Variants in PDIA6 observed in about 807,000 individuals in gnomAD.
The protein encoded by PDIA6 is protein disulfide-isomerase A6.
PDIA6 carries 29 observed loss-of-function variants against 58.4 expected under a neutral mutation model. The observed-to-expected ratio is 0.50, with a 90% CI of 0.37 to 0.68. The LOEUF (loss-of-function observed/expected upper bound fraction) is 0.68, where lower values mean the gene tolerates loss of function less well. PDIA6 is among the 30% of genes least tolerant of loss of function. PDIA6 has a pLI of 0.00. For synonymous variants in PDIA6, 192 were observed against 202.6 expected, an observed-to-expected ratio of 0.95 and a Z score of 0.44; for missense variants, 480 against 551.0, an observed-to-expected ratio of 0.87 and a Z score of 1.29.
intron 6 of PDIA6, among the ~76,000 whole-genome samples, chr2:10,791,460 G>C (rs1244858134): frequency 6.6e-6 from 1 of 152,062 alleles, no homozygotes; most frequent in Non-Finnish European, 1.5e-5. Flanking sequence ...CTTTTTAACT[G>C]ATCTGTGCAT....
In PDIA6 at chr2:10,783,723, C is replaced by G. The variant is rs1665544322; in HGVS notation, c.*535G>C. ...TTGTGGTGGGCATAGGTGGCACCAT[C>G]TAAAGAAAAGAGGTCTTGTTTTTTG... On this transcript the variant is annotated 3_prime_UTR_variant, in exon 13 of 13. Coordinates refer to ENST00000272227, the MANE Select transcript of PDIA6 (RefSeq NM_005742.4). The G allele has an allele frequency of 6.3e-6, 1 of 157,572 alleles. No individual in the cohort carries two copies. The highest frequency in any genetic ancestry group is 6.3e-5 in the Admixed American group (1 of 15,960). The allele number at this position is 157,572 out of a possible 1,614,324, so 9.8% of individuals were successfully genotyped here. A position where few individuals can be genotyped will look rare whatever the true frequency, so the allele number is the denominator to read the frequency against.
intron 1 of PDIA6, among the ~76,000 whole-genome samples, chr2:10,808,420 CTCTT>C (rs1409116697): frequency 6.7e-6 from 1 of 148,668 alleles, no homozygotes; most frequent in Non-Finnish European, 1.5e-5. Context: ...ATATAGGTAA[CTCTT>C]TAAGCAGGTT....
At chr2:10,806,053 A>G (rs1317825861) in intron 1 of PDIA6, among the ~76,000 whole-genome samples, 1 of 147,368 alleles carries the variant, frequency 6.8e-6, no homozygotes, top group African/African-American at 2.5e-5. Flanking sequence ...AACGAAAAAA[A>G]CCTTACAGAA....
At chr2:10,796,146 C>T (rs10198312) in intron 4 of PDIA6, among the ~76,000 whole-genome samples, 12,128 of 151,530 alleles carry the variant, frequency 0.08, 1,651 homozygotes, top group African/African-American at 0.28. Flanking sequence ...CTCCGCCTTC[C>T]GGGTTCACGC....
intron 5 of PDIA6, among the ~76,000 whole-genome samples, 156 bp from the exon 6 acceptor site, chr2:10,792,081 C>A (rs1734422): frequency 0.49 from 74,240 of 152,154 alleles, 19,658 homozygotes; most frequent in Middle Eastern, 0.58. Context: ...TGGGTACATT[C>A]CTCAGCACTG....
In PDIA6 at chr2:10,787,387, T is replaced by A; in HGVS notation, c.1051A>T (p.Ile351Phe). Residue 351 changes from isoleucine to phenylalanine, a missense_variant, in exon 11 of 13, where the codon ATT (isoleucine) becomes TTT (phenylalanine). Ile to Phe is a conservative substitution (Grantham distance 21). Coordinates refer to ENST00000272227, the MANE Select transcript of PDIA6 (RefSeq NM_005742.4). ...ATGGCGGGGTACCCAAACCCTCCAA[T>A]CCCCAACGCGGTCTCAAGTTCAGAC... ...AQSELETALGIGGFGYPAMAA... is the reference protein window; with the variant it reads ...AQSELETALGFGGFGYPAMAA... 2 of 1,614,090 alleles carry A rather than the reference T, an allele frequency of 1.2e-6. No homozygotes were observed. Among genetic ancestry groups the A allele is most frequent in the Non-Finnish European group, 1.7e-6 (2 of 1,179,976 alleles).
chr2:10,822,922 C>G (rs934674077), intron 1 of PDIA6, among the ~76,000 whole-genome samples: 2 of 152,364 alleles, frequency 1.3e-5, no homozygotes, highest in South Asian at 4.1e-4. Flanking sequence ...TCCCATGATG[C>G]CTGGTCTCCA....
intron 12 of PDIA6, chr2:10,784,562 T>C (rs1233567012): frequency 4.9e-6 from 2 of 411,368 alleles, no homozygotes; most frequent in Non-Finnish European, 8.2e-6. Flanking sequence ...GGAAGCCACT[T>C]GAACGTGTCC....
chr2:10,816,040 G>A (rs1667181695), upstream of PDIA6, among the ~76,000 whole-genome samples: 1 of 147,850 alleles, frequency 6.8e-6, no homozygotes, highest in South Asian at 2.1e-4. Context: ...TATGAATTTG[G>A]CTAATATAGG....
rs558444328 is a variant in PDIA6, at chr2:10,810,878, G to C, written c.19+1800C>G. On this transcript the variant is annotated intron_variant, in intron 1 of 12. Coordinates refer to ENST00000272227, the MANE Select transcript of PDIA6 (RefSeq NM_005742.4). ...AATTCACATCACCATTCCACTCAGTGATAATGAACACCAATGGGAAATTGG... is the reference window on the plus strand; with the variant it reads ...AATTCACATCACCATTCCACTCAGTCATAATGAACACCAATGGGAAATTGG... Among the ~76,000 whole-genome samples, 40 of 152,292 alleles carry C rather than the reference G, an allele frequency of 2.6e-4. No individual in the cohort carries two copies. The South Asian group carries it at 7.9e-3, about 30-fold the overall frequency.
chr2:10,811,013 T>G (rs1186128525), intron 1 of PDIA6, among the ~76,000 whole-genome samples: 1 of 152,164 alleles, frequency 6.6e-6, no homozygotes, highest in Non-Finnish European at 1.5e-5. Flanking sequence ...CAGTAACATC[T>G]CTGTCCCACA....
chr2:10,806,197 C>T (rs1666735148), intron 1 of PDIA6, among the ~76,000 whole-genome samples: 1 of 150,880 alleles, frequency 6.6e-6, no homozygotes. Flanking sequence ...GTGAGACCCC[C>T]TCTCTAAAAA....
At chr2:10,810,904 ACCAT>A (rs1195474214) in intron 1 of PDIA6, among the ~76,000 whole-genome samples, 1 of 152,168 alleles carries the variant, frequency 6.6e-6, no homozygotes, top group Non-Finnish European at 1.5e-5. Context: ...GGGAAATTGG[ACCAT>A]CCGAGTGAGT....
intron 1 of PDIA6, among the ~76,000 whole-genome samples, chr2:10,822,216 G>A (rs759235892): frequency 9.2e-5 from 14 of 152,012 alleles, no homozygotes; most frequent in Non-Finnish European, 1.8e-4. Context: ...TGAGATTACA[G>A]GCATGAGCTA....
intron 4 of PDIA6, among the ~76,000 whole-genome samples, chr2:10,796,343 A>G (rs62129006): frequency 0.5 from 76,207 of 151,520 alleles, 20,413 homozygotes; most frequent in South Asian, 0.61. Context: ...ATGAGCCATC[A>G]TGCCCAGCCC....
At chr2:10,819,610 A>G (rs1667322600) in intron 1 of PDIA6, among the ~76,000 whole-genome samples, 1 of 152,248 alleles carries the variant, frequency 6.6e-6, no homozygotes, top group African/African-American at 2.4e-5. Context: ...TCATCTTAAC[A>G]CTGAGAAGCT....
intron 4 of PDIA6, among the ~76,000 whole-genome samples, chr2:10,794,546 G>A (rs1666185678): frequency 6.8e-6 from 1 of 147,678 alleles, no homozygotes; most frequent in African/African-American, 2.5e-5. Context: ...CTCCCAAAGT[G>A]CTGGGATTAG....
At chr2:10,831,919 G>A (rs1364762891) in intron 1 of PDIA6, among the ~76,000 whole-genome samples, 1 of 150,952 alleles carries the variant, frequency 6.6e-6, no homozygotes. Context: ...CAGGCTCTCT[G>A]CTGGGCGCTG....
chr2:10,810,510 T>C lies in PDIA6; in HGVS notation c.19+2168A>G, dbSNP rs542447592. 6.5e-5 allele frequency: 76 copies of C among 1,170,710 alleles called. 1 individual carries two copies. In the South Asian group the frequency reaches 1.7e-3, roughly 26 times the overall value. The allele number at this position is 1,170,710 out of a possible 1,614,324, so 72.5% of individuals were successfully genotyped here. ...ACGCTCTTTACTGACAGTATTAAGA[T>C]AGACTTGGGTTATTCTTTTTTCTAG... On this transcript the variant is annotated intron_variant, in intron 1 of 12. Transcript: ENST00000272227.
Sources: gnomAD v4.1 joint callset for allele counts (sites outside exome capture counted in the v4.1 genomes callset) on GRCh38, gnomAD v4.1.1 for gene constraint, MANE v1.5 for transcripts, NCBI Gene and HGNC (gene_info 2026-07-23, HGNC 2026-07-21) for gene names.